CARD9: variants seen among roughly 807,000 people sequenced by gnomAD.
CARD9 encodes caspase recruitment domain-containing protein 9.
CARD9 carries 53 observed loss-of-function variants against 66.0 expected under a neutral mutation model. The observed-to-expected ratio is 0.80, with a 90% confidence interval of 0.64 to 1.01. The LOEUF is 1.01. CARD9 is among the 50% of genes least tolerant of loss of function. The probability of loss-of-function intolerance (pLI) is 0.00; values close to 1 mark genes in which losing one functional copy is unlikely to be tolerated. For synonymous variants in CARD9, 387 were observed against 313.8 expected (o/e 1.23, Z -2.47); for missense variants, 769 against 743.2 (o/e 1.03, Z -0.40).
intron 9 of CARD9, among the ~76,000 whole-genome samples, 169 bp downstream of exon 9, chr9:136,367,047 C>T (rs1833141138): frequency 6.6e-6 from 1 of 152,210 alleles, no homozygotes. Flanking sequence ...TTACCTTACC[C>T]CTTGAGCCAT....
Position 136,364,291 on chromosome 9 carries a change from C to A in CARD9, c.*11G>T, listed in dbSNP as rs1432013180. 1.9e-6 allele frequency: 3 copies of A among 1,553,664 alleles called. No homozygotes were observed. The highest frequency in any genetic ancestry group is 2.6e-6 in the Non-Finnish European group (3 of 1,148,572). ...GTGGGTGTGCCCTGGTCGGGGCCTG[C>A]GCTGCTGCGGCTAGGAGCCCTCAGT... On this transcript the variant is annotated 3_prime_UTR_variant, in exon 13 of 13. Transcript: ENST00000371732.
At position 136,369,883 on chromosome 9, in the gene CARD9, G is replaced by A. The variant is rs758654216; in HGVS notation, c.952-8C>T. The stretch of plus-strand genomic sequence containing the variant: ...CTCCTTCTCCTCCATGCACTGCAGG[G>A]GGCGGCAGCTCAGCCCCCACAGGCC... On this transcript the variant is annotated splice_polypyrimidine_tract_variant and splice_region_variant and intron_variant, in intron 6 of 12. Transcript: ENST00000371732. The A allele has an allele frequency of 1.2e-6, 2 of 1,611,348 alleles. No homozygotes were observed. The highest frequency in any genetic ancestry group is 3.3e-5 in the Admixed American group (2 of 60,022).
intron 8 of CARD9, 138 bp from the exon 9 acceptor site, chr9:136,367,395 G>C: frequency 4.6e-6 from 5 of 1,086,560 alleles, no homozygotes; most frequent in South Asian, 1.4e-5. Flanking sequence ...TCCATGCCCA[G>C]AACAACCTGC....
chr9:136,369,653 A>G (rs910375539), intron 7 of CARD9, 97 bp downstream of exon 7: 1 of 1,527,066 alleles, frequency 6.5e-7, no homozygotes, highest in Admixed American at 2.0e-5. Flanking sequence ...ACAAATAACA[A>G]AGATTAAAAA....
At position 136,367,787 on chromosome 9, in the gene CARD9, C is replaced by T. The variant is rs747580987; in HGVS notation, c.1119G>A (p.Arg373=). The T allele has an allele frequency of 6.2e-7, 1 of 1,603,656 alleles. No homozygotes were observed. The highest frequency in any genetic ancestry group is 1.1e-5 in the South Asian group (1 of 90,976). Residue 373 remains arginine, a synonymous_variant, in exon 8 of 13, where the codon CGG becomes CGA. Transcript: ENST00000371732. ...TREELHAQHA[R]GLQEKDALRK... is the part of the protein sequence containing the mutation. ...GCAGCGCGTCCTTCTCCTGCAGGCCCCGGGCGTGCTGTGCGTGCAGCTCCT... is the reference window on the plus strand; with the variant it reads ...GCAGCGCGTCCTTCTCCTGCAGGCCTCGGGCGTGCTGTGCGTGCAGCTCCT...
At position 136,369,759 on chromosome 9, in the gene CARD9, C is replaced by T; in HGVS notation, c.1068G>A (p.Glu356=). ...ILLQMEEVAI[E]RDQAIATREE... is the part of the protein sequence containing the mutation. ...CCCTGCGAGTGCCCACCTGGTCCCG[C>T]TCAATGGCGACCTCCTCCATCTGCA... is the stretch of plus-strand genomic sequence containing the variant. Residue 356 remains glutamate (E), a synonymous_variant, in exon 7 of 13, where the codon GAG becomes GAA. Transcript: ENST00000371732. 1 of 1,602,732 alleles carries T rather than the reference C, an allele frequency of 6.2e-7. No individual in the cohort carries two copies. Among genetic ancestry groups the T allele is most frequent in the Non-Finnish European group, 8.5e-7 (1 of 1,175,276 alleles).
chr9:136,365,030 A>G, intron 11 of CARD9, 111 bp downstream of exon 11: 1 of 1,014,860 alleles, frequency 9.9e-7, no homozygotes, highest in Non-Finnish European at 1.5e-6. Flanking sequence ...GTCACTCCTC[A>G]GCTGTCGTCG....
chr9:136,368,658 C>G (rs1588722797), intron 7 of CARD9, among the ~76,000 whole-genome samples: 1 of 152,328 alleles, frequency 6.6e-6, no homozygotes, highest in East Asian at 1.9e-4. Context: ...GCAGACACAG[C>G]CCTGCCCCGC....
chr9:136,365,192 C>A lies in CARD9; in HGVS notation c.1383G>T (p.Pro461=), dbSNP rs138344913. Residue 461 remains proline (P), a synonymous_variant, in exon 11 of 13, where the codon CCG becomes CCT. Coordinates refer to ENST00000371732, the MANE Select transcript of CARD9 (RefSeq NM_052813.5). Reference sequence around the variant, plus strand: ...GGTGCAGAGCTGCAAAGGGCTGTTTCGGGCTCCCCCCGCCGGCAAGGCAGC... The same window carrying A: ...GGTGCAGAGCTGCAAAGGGCTGTTTAGGGCTCCCCCCGCCGGCAAGGCAGC... ...DKGCLAGGGS[P]KQPFAALHQE... 6 of 1,610,218 alleles carry A rather than the reference C, an allele frequency of 3.7e-6. No homozygotes were observed. The East Asian group carries it at 8.9e-5, about 24-fold the overall frequency.
chr9:136,371,463 TGCGGGCCAGAGAGGCCTAACTGGGG>T lies in CARD9; in HGVS notation c.185-27_185-3del, dbSNP rs1833271610. On this transcript the variant is annotated splice_region_variant and splice_polypyrimidine_tract_variant and intron_variant, in intron 2 of 12. Transcript: ENST00000371732. ...GCTGCAGGATGTCCAGGAGCACACC[TGCGGGCCAGAGAGGCCTAACTGGGG>T]GCGGGGCACAGGCGAGGCAGAGGGC... 4.3e-6 allele frequency: 6 copies of T among 1,390,532 alleles called. No homozygotes were observed. The highest frequency in any genetic ancestry group is 3.6e-5 in the South Asian group (3 of 84,426). The allele number at this position is 1,390,532 out of a possible 1,614,324, so 86.1% of individuals were successfully genotyped here.
rs752177507 is a variant in CARD9 at position 136,367,266 on chromosome 9, A to G, written c.1270-9T>C. 6.2e-7 allele frequency: 1 copy of G among 1,612,492 alleles called. No homozygotes were observed. The highest frequency in any genetic ancestry group is 1.7e-5 in the Admixed American group (1 of 59,968). ...TCTTCCAGGTCGGAGCTCTGTGGTC[A>G]TAGAAAATGGGGTGGGTGGGCTGTG... On this transcript the variant is annotated splice_polypyrimidine_tract_variant and intron_variant, in intron 8 of 12. Transcript: ENST00000371732.
chr9:136,364,629 C>T, intron 11 of CARD9, 70 bp from the exon 12 acceptor site: 3 of 1,445,702 alleles, frequency 2.1e-6, no homozygotes, highest in East Asian at 2.5e-5. Context: ...ACCCGCCCCC[C>T]ACTGGCCCCT....
rs1468874495 is a variant in CARD9, at chr9:136,364,162, C to A, written c.*140G>T. On this transcript the variant is annotated 3_prime_UTR_variant, in exon 13 of 13. Transcript: ENST00000371732. The stretch of plus-strand genomic sequence containing the variant: ...CCCAATGCCCGGCAGTCCGGCTGGG[C>A]CTTTCAGGGCACCAGATTCCTCGTT... 1 of 1,550,536 alleles carries A rather than the reference C, an allele frequency of 6.4e-7. No individual in the cohort carries two copies. The highest frequency in any genetic ancestry group is 2.4e-5 in the East Asian group (1 of 41,038).
At position 136,365,170 on chromosome 9, in the gene CARD9, G is replaced by A. The variant is rs770567400; in HGVS notation, c.1405C>T (p.His469Tyr). ...GGGTTCCGCAAAACCTGCTCCTGGTGCAGAGCTGCAAAGGGCTGTTTCGGG... is the reference window on the plus strand; with the variant it reads ...GGGTTCCGCAAAACCTGCTCCTGGTACAGAGCTGCAAAGGGCTGTTTCGGG... Reference protein sequence around the residue: ...GSPKQPFAALHQEQVLRNPHD... With the variant: ...GSPKQPFAALYQEQVLRNPHD... The change falls in exon 11 of 13, where the codon CAC (histidine) becomes TAC (tyrosine). Residue 469 changes from histidine to tyrosine, a missense_variant. By Grantham distance (83) the His-to-Tyr change is moderately conservative. Coordinates refer to ENST00000371732, the MANE Select transcript of CARD9 (RefSeq NM_052813.5). 1.7e-5 allele frequency: 28 copies of A among 1,611,556 alleles called. No homozygotes were observed. Among genetic ancestry groups the A allele is most frequent in the Non-Finnish European group, 2.2e-5 (26 of 1,179,894 alleles).
At position 136,367,215 on chromosome 9, in the gene CARD9, C is replaced by T. The variant is rs1368994425; in HGVS notation, c.1311+1G>A. ...CTCGTGCTGGCTGGGGTCTCACTCA[C>T]CTCCTGGGACCTCCTGGGTGAGCCA... On this transcript the variant is annotated splice_donor_variant, in intron 9 of 12. Transcript: ENST00000371732. LOFTEE classifies it high-confidence loss of function. 2 of 1,612,418 alleles carry T rather than the reference C, an allele frequency of 1.2e-6. No individual in the cohort carries two copies. Among genetic ancestry groups the T allele is most frequent in the East Asian group, 2.2e-5 (1 of 44,876 alleles).
intron 11 of CARD9, chr9:136,364,825 A>T (rs1395668267): frequency 1.7e-6 from 1 of 597,820 alleles, no homozygotes; most frequent in Non-Finnish European, 3.0e-6. Context: ...TTGTTTCTAC[A>T]ACAAAGCCCG....
rs1201698109 is a variant in CARD9, at chr9:136,367,734, T to G, written c.1172A>C (p.Lys391Thr). 1.2e-6 allele frequency: 2 copies of G among 1,605,526 alleles called. No homozygotes were observed. The highest frequency in any genetic ancestry group is 1.1e-5 in the South Asian group (1 of 90,844). Residue 391 changes from lysine (K) to threonine (T), a missense_variant, in exon 8 of 13, where the codon AAG becomes ACG. Physicochemically the swap from Lys to Thr is moderately conservative, Grantham distance 78. Transcript: ENST00000371732. ...LRKQVRELGEKADELQLQVFQ... is the reference protein window; with the variant it reads ...LRKQVRELGETADELQLQVFQ... ...CACCTGCAGCTGCAGCTCATCCGCCTTCTCGCCCAGCTCCCGCACCTGCTT... is the reference window on the plus strand; with the variant it reads ...CACCTGCAGCTGCAGCTCATCCGCCGTCTCGCCCAGCTCCCGCACCTGCTT...
chr9:136,366,728 T>C, intron 10 of CARD9, 72 bp downstream of exon 10: 1 of 1,519,378 alleles, frequency 6.6e-7, no homozygotes, highest in Non-Finnish European at 9.1e-7. Context: ...CGGCACGGGC[T>C]GCCTGTGCTG....
Position 136,371,994 on chromosome 9 carries a change from G to C in CARD9, c.85C>G (p.Arg29Gly). 1.2e-6 allele frequency: 2 copies of C among 1,612,788 alleles called. No individual in the cohort carries two copies. The highest frequency in any genetic ancestry group is 1.7e-6 in the Non-Finnish European group (2 of 1,179,904). The change falls in exon 2 of 13, where the codon CGC (arginine) becomes GGC (glycine). Residue 29 changes from arginine to glycine, a missense_variant. Transcript: ENST00000371732. ...CACTGCCGCAGGTAAGGTGTGATGC[G>C]TGAGGGGTCGATGACCGAGGTGAGC... Reference protein sequence around the residue: ...VTLTSVIDPSRITPYLRQCKV... With the variant: ...VTLTSVIDPSGITPYLRQCKV...
Sources: gnomAD v4.1 joint callset for allele counts (sites outside exome capture counted in the v4.1 genomes callset) on GRCh38, gnomAD v4.1.1 for gene constraint, MANE v1.5 for transcripts, NCBI Gene and HGNC (gene_info 2026-07-23, HGNC 2026-07-21) for gene names.